SUSD4: variants seen among roughly 807,000 people sequenced by gnomAD.
The protein encoded by SUSD4 is sushi domain containing 4.
A neutral mutation model predicts 50.5 loss-of-function variants in SUSD4; 41 were observed. The ratio of observed to expected loss-of-function variants is 0.81; its 90% CI spans 0.63 to 1.05. The LOEUF is 1.05. SUSD4 is among the 50% of genes least tolerant of loss of function. The pLI is 0.00. For synonymous variants in SUSD4, 257 were observed against 257.3 expected, an observed-to-expected ratio of 1.00 and a Z score of 0.01; for missense variants, 580 against 634.7, an observed-to-expected ratio of 0.91 and a Z score of 0.93.
chr1:223,298,829 C>T (rs1665004108), intron 2 of SUSD4, among the ~76,000 whole-genome samples: 1 of 152,204 alleles, frequency 6.6e-6, no homozygotes, highest in Non-Finnish European at 1.5e-5. Flanking sequence ...TTATTCCTTT[C>T]CCTTTAAAAG....
At chr1:223,260,425 A>C (rs1235689548) in intron 5 of SUSD4, among the ~76,000 whole-genome samples, 1 of 152,210 alleles carries the variant, frequency 6.6e-6, no homozygotes, top group Non-Finnish European at 1.5e-5. Flanking sequence ...TTAGTTTTTA[A>C]AGATTTCTTG....
chr1:223,230,269 A>T (rs1659805889), intron 5 of SUSD4, among the ~76,000 whole-genome samples: 1 of 152,074 alleles, frequency 6.6e-6, no homozygotes, highest in African/African-American at 2.4e-5. Flanking sequence ...TCATTCTTGG[A>T]TGAGGACTCA....
intron 2 of SUSD4, among the ~76,000 whole-genome samples, chr1:223,343,814 T>C (rs1429537781): frequency 2.6e-5 from 4 of 152,226 alleles, no homozygotes; most frequent in Non-Finnish European, 4.4e-5. Flanking sequence ...GTGAAGTCCC[T>C]GTGCAACTGC....
At chr1:223,331,107 T>C (rs776951886) in intron 2 of SUSD4, among the ~76,000 whole-genome samples, 24 of 152,176 alleles carry the variant, frequency 1.6e-4, no homozygotes, top group African/African-American at 5.8e-4. Flanking sequence ...AGCCCTTCAG[T>C]GCATCCACTC....
chr1:223,262,780 G>T (rs1387718617), intron 5 of SUSD4, among the ~76,000 whole-genome samples: 2 of 152,138 alleles, frequency 1.3e-5, no homozygotes, highest in Non-Finnish European at 2.9e-5. Context: ...TGAAAACGGA[G>T]ATGTAAACCT....
At position 223,353,042 on chromosome 1, in the gene SUSD4, C is replaced by T. The variant is rs1300738128; in HGVS notation, c.148+10236G>A. On this transcript the variant is annotated intron_variant, in intron 2 of 8. Coordinates refer to ENST00000366878, the MANE Select transcript of SUSD4 (RefSeq NM_017982.4). ...CTCTTTTTCCTGAGGCTTCTGTGAG[C>T]ACACAAAAGGAGCTGACCGGGCTTG... is the stretch of plus-strand genomic sequence containing the variant. Among the ~76,000 whole-genome samples, 5 of 152,320 alleles carry T rather than the reference C, an allele frequency of 3.3e-5. No homozygotes were observed. In the South Asian group the frequency reaches 8.3e-4, roughly 25 times the overall value.
At chr1:223,223,758 T>G in intron 7 of SUSD4, 127 bp from the exon 8 acceptor site, 1 of 1,182,638 alleles carries the variant, frequency 8.5e-7, no homozygotes, top group Non-Finnish European at 1.1e-6. Flanking sequence ...GTATGGAGGA[T>G]AATATGGAAG....
chr1:223,224,703 C>T (rs1659381942), intron 7 of SUSD4, among the ~76,000 whole-genome samples: 1 of 152,010 alleles, frequency 6.6e-6, no homozygotes, highest in Non-Finnish European at 1.5e-5. Flanking sequence ...CTGGCCTGCT[C>T]CCTTTGCTTC....
At chr1:223,325,848 A>G (rs1020390414) in intron 2 of SUSD4, among the ~76,000 whole-genome samples, 1 of 152,192 alleles carries the variant, frequency 6.6e-6, no homozygotes, top group Non-Finnish European at 1.5e-5. Context: ...GAACTATAAA[A>G]CACTGCTGAA....
intron 5 of SUSD4, among the ~76,000 whole-genome samples, chr1:223,247,493 T>C (rs1661019569): frequency 6.6e-6 from 1 of 152,218 alleles, no homozygotes; most frequent in Admixed American, 6.5e-5. Flanking sequence ...TCTATTTTGT[T>C]TGAGCCATCA....
intron 5 of SUSD4, among the ~76,000 whole-genome samples, chr1:223,260,948 G>A (rs1662075792): frequency 6.6e-6 from 1 of 152,166 alleles, no homozygotes; most frequent in Non-Finnish European, 1.5e-5. Context: ...CTCACAAAGT[G>A]CTCTCCACTC....
In SUSD4 at chr1:223,252,310, A is replaced by T. The variant is rs368682403; in HGVS notation, c.724+12320T>A. Among the ~76,000 whole-genome samples, 20 of 151,738 alleles carry T rather than the reference A, an allele frequency of 1.3e-4. No homozygotes were observed. The South Asian group carries it at 4.0e-3, about 30-fold the overall frequency. ...AAGACGGCCATGTGAAGACACAGAC[A>T]TCAAGGGAGAACTCCATGTGATGAC... On this transcript the variant is annotated intron_variant, in intron 5 of 8. Transcript: ENST00000366878.
chr1:223,276,051 T>G (rs1663242961), intron 3 of SUSD4, among the ~76,000 whole-genome samples: 1 of 152,186 alleles, frequency 6.6e-6, no homozygotes, highest in Non-Finnish European at 1.5e-5. Flanking sequence ...GCTCAAAGAC[T>G]GGCATGAGAG....
At chr1:223,272,479 A>C (rs900622499) in intron 3 of SUSD4, among the ~76,000 whole-genome samples, 6 of 152,244 alleles carry the variant, frequency 3.9e-5, no homozygotes, top group African/African-American at 1.4e-4. Context: ...TTATCAGATT[A>C]GTTAGCAGAG....
At chr1:223,242,075 G>A (rs1401755537) in intron 5 of SUSD4, among the ~76,000 whole-genome samples, 2 of 152,122 alleles carry the variant, frequency 1.3e-5, no homozygotes, top group Non-Finnish European at 2.9e-5. Context: ...CCAAGTAGCT[G>A]GGATTACAAG....
At chr1:223,355,115 C>T (rs1313856136) in intron 2 of SUSD4, among the ~76,000 whole-genome samples, 1 of 151,312 alleles carries the variant, frequency 6.6e-6, no homozygotes, top group Non-Finnish European at 1.5e-5. Flanking sequence ...CGCTCTGTTG[C>T]CCAGGCTGGA....
In SUSD4 at chr1:223,307,395, A is replaced by G. The variant is rs953474912; in HGVS notation, c.149-14744T>C. Among the ~76,000 whole-genome samples the G allele has an allele frequency of 2.8e-4, 43 of 152,254 alleles. 1 individual carries two copies. Among genetic ancestry groups the G allele is most frequent in the Non-Finnish European group, 4.4e-5 (3 of 68,044 alleles). On this transcript the variant is annotated intron_variant, in intron 2 of 8. Transcript: ENST00000366878. ...ACATATACAATCTCATTTCATCCAT[A>G]CAACAACCCCATGAGATCAATGACA...
chr1:223,251,938 C>A (rs544273723), intron 5 of SUSD4, among the ~76,000 whole-genome samples: 1 of 151,796 alleles, frequency 6.6e-6, no homozygotes, highest in Admixed American at 6.6e-5. Flanking sequence ...TTTTAATGAT[C>A]GCCATTCTAA....
At chr1:223,249,705 C>T (rs2103039099) in intron 5 of SUSD4, among the ~76,000 whole-genome samples, 1 of 152,310 alleles carries the variant, frequency 6.6e-6, no homozygotes, top group East Asian at 1.9e-4. Context: ...ACAGTTTCCA[C>T]TAGCAAAGGT....
Sources: gnomAD v4.1 joint callset for allele counts (sites outside exome capture counted in the v4.1 genomes callset) on GRCh38, gnomAD v4.1.1 for gene constraint, MANE v1.5 for transcripts, NCBI Gene and HGNC (gene_info 2026-07-23, HGNC 2026-07-21) for gene names.